The following ASMTL variants were observed in gnomAD, a reference collection of about 807,000 sequenced individuals.
The protein encoded by ASMTL is acetylserotonin O-methyltransferase like.
In ASMTL, 57 loss-of-function variants were observed where a neutral mutation model predicts 60.3. The ratio of observed to expected loss-of-function variants is 0.95; its 90% CI spans 0.76 to 1.18. The LOEUF is 1.18. ASMTL is among the 50% of genes most tolerant of loss of function. The probability of loss-of-function intolerance (pLI) is 0.00; values close to 1 mark genes in which losing one functional copy is unlikely to be tolerated. For synonymous variants in ASMTL, 419 were observed against 373.0 expected, an observed-to-expected ratio of 1.12 and a Z score of -1.42; for missense variants, 981 against 852.6, an observed-to-expected ratio of 1.15 and a Z score of -1.88.
intron 2 of ASMTL, among the ~76,000 whole-genome samples, chrX:1,439,832 T>A: frequency 8.1e-6 from 1 of 123,658 alleles, no homozygotes. Flanking sequence ...TGAGACTCAG[T>A]CTCCAAAAAA....
chrX:1,417,197 G>C (rs1408891772), intron 11 of ASMTL, among the ~76,000 whole-genome samples: 1 of 143,400 alleles, frequency 7.0e-6, no homozygotes, highest in Non-Finnish European at 1.5e-5. Flanking sequence ...AGATGCAGAC[G>C]TACACACAGA....
intron 11 of ASMTL, among the ~76,000 whole-genome samples, chrX:1,416,703 TTCTTAC>T (rs1366476525): frequency 2.8e-5 from 4 of 144,294 alleles, no homozygotes; most frequent in African/African-American, 5.2e-5. Flanking sequence ...CAGAGACACA[TTCTTAC>T]GCACGCACAC....
At chrX:1,432,874 G>C (rs1428923901) in intron 5 of ASMTL, among the ~76,000 whole-genome samples, 1 of 152,302 alleles carries the variant, frequency 6.6e-6, no homozygotes, top group Non-Finnish European at 1.5e-5. Context: ...GAGGCGGATG[G>C]ATCACCAGAG....
chrX:1,418,543 GACC>G (rs2090383230), intron 10 of ASMTL, among the ~76,000 whole-genome samples: 1 of 152,070 alleles, frequency 6.6e-6, no homozygotes, highest in South Asian at 2.1e-4. Flanking sequence ...AGCCACTCTG[GACC>G]ACAAGGAGGA....
intron 3 of ASMTL, among the ~76,000 whole-genome samples, chrX:1,436,312 T>C (rs2090962363): frequency 1.3e-5 from 2 of 152,098 alleles, no homozygotes; most frequent in African/African-American, 4.8e-5. Flanking sequence ...TTGCTGGGAA[T>C]ACAGGTGCAC....
At chrX:1,413,086 G>C (rs2090098684) in intron 11 of ASMTL, 3 of 567,722 alleles carry the variant, frequency 5.3e-6, no homozygotes, top group East Asian at 2.9e-5. Context: ...GAAAACGCTG[G>C]GGACAGTGGC....
intron 8 of ASMTL, among the ~76,000 whole-genome samples, chrX:1,423,477 GCT>G (rs1343711276): frequency 6.6e-6 from 1 of 152,012 alleles, no homozygotes; most frequent in Non-Finnish European, 1.5e-5. Context: ...TTGGTCATGT[GCT>G]CTCTATTCTA....
chrX:1,428,733 A>G (rs1203116242), intron 6 of ASMTL, among the ~76,000 whole-genome samples: 1 of 148,872 alleles, frequency 6.7e-6, no homozygotes. Context: ...AATCAAGCCA[A>G]TTATCCCATT....
Position 1,418,111 on chromosome X carries a change from T to C in ASMTL, c.1384A>G (p.Thr462Ala). The C allele has an allele frequency of 6.2e-7, 1 of 1,600,774 alleles. No individual in the cohort carries two copies. Residue 462 changes from threonine (T) to alanine (A), a missense_variant, in exon 11 of 13, where the codon ACG becomes GCG. Transcript: ENST00000381317. ...GCCAGCTCTCGGGCCAGTGCACCCG[T>C]GCAGCCTGCGGGGAAGCAAATGCAT... ...FSSACDVGGC[T>A]GALARELARE...
At chrX:1,433,481 C>A (rs558964947) in intron 5 of ASMTL, among the ~76,000 whole-genome samples, 9 of 130,662 alleles carry the variant, frequency 6.9e-5, no homozygotes, top group Admixed American at 1.8e-4. Context: ...CTGGCTACCA[C>A]GGTGAAACCC....
At position 1,452,749 on chromosome X, in the gene ASMTL, G is replaced by C. The variant is rs186060961; in HGVS notation, c.92C>G (p.Ala31Gly). The C allele has an allele frequency of 1.2e-3, 1,862 of 1,588,848 alleles. 20 individuals are homozygous for C. The Admixed American group carries it at 0.018, about 15-fold the overall frequency. The change falls in exon 1 of 13, where the codon GCG becomes GGG. Residue 31 changes from alanine (A) to glycine (G), a missense_variant and splice_region_variant. Physicochemically the swap from Ala to Gly is moderately conservative, Grantham distance 60 (BLOSUM62 0). Coordinates refer to ENST00000381317, the MANE Select transcript of ASMTL (RefSeq NM_004192.4). ...GCCCCGCCCAGGCCCAGGCCGTACC[G>C]CGTTGCTGAGGATCTCCTGACGGCG... is the stretch of plus-strand genomic sequence containing the variant. ...SPRRQEILSNAGLRFEVVPSK... is the reference protein window; with the variant it reads ...SPRRQEILSNGGLRFEVVPSK...
intron 7 of ASMTL, among the ~76,000 whole-genome samples, chrX:1,426,846 A>G (rs1327124400): frequency 6.6e-6 from 1 of 152,018 alleles, no homozygotes; most frequent in East Asian, 1.9e-4. Context: ...GGATCAGGCT[A>G]TGAACAGATC....
chrX:1,436,199 A>C (rs2090959111), intron 3 of ASMTL, among the ~76,000 whole-genome samples: 1 of 152,120 alleles, frequency 6.6e-6, no homozygotes, highest in South Asian at 2.1e-4. Flanking sequence ...CTTGAGATGG[A>C]GTCTCACTCT....
In ASMTL at chrX:1,421,697, GTGC is replaced by G. The variant is rs2090488312; in HGVS notation, c.1203_1205del (p.Gln401del). 1 of 1,613,814 alleles carries G rather than the reference GTGC, an allele frequency of 6.2e-7. No individual in the cohort carries two copies. The highest frequency in any genetic ancestry group is 8.5e-7 in the Non-Finnish European group (1 of 1,179,862). ...CCGCCTTCTTCCCCAACGCCCTGTGGTGCTGGTTTGTTCCCTCTCGGATGGCAA... is the reference window on the plus strand; with the variant it reads ...CCGCCTTCTTCCCCAACGCCCTGTGGTGGTTTGTTCCCTCTCGGATGGCAA... On this transcript the variant is annotated inframe_deletion, in exon 9 of 13. Transcript: ENST00000381317.
chrX:1,419,943 T>A (rs2090428651), intron 9 of ASMTL, among the ~76,000 whole-genome samples: 1 of 152,050 alleles, frequency 6.6e-6, no homozygotes, highest in African/African-American at 2.4e-5. Flanking sequence ...TCTCTGTCTG[T>A]CTGTCTCTGT....
At chrX:1,453,159 C>A (rs2091438347), upstream of ASMTL, among the ~76,000 whole-genome samples, 1 of 151,554 alleles carries the variant, frequency 6.6e-6, no homozygotes, top group Non-Finnish European at 1.5e-5. Flanking sequence ...ATTGCCCTCT[C>A]CGTCAGGCCA....
intron 11 of ASMTL, among the ~76,000 whole-genome samples, chrX:1,414,601 G>A (rs763074363): frequency 2.0e-5 from 3 of 152,160 alleles, no homozygotes; most frequent in Non-Finnish European, 4.4e-5. Context: ...CCAGCTACTC[G>A]GGAGGCTGAG....
At chrX:1,453,189 T>C (rs1228413900), upstream of ASMTL, among the ~76,000 whole-genome samples, 4 of 139,412 alleles carry the variant, frequency 2.9e-5, no homozygotes, top group African/African-American at 1.1e-4. Context: ...CACACCTCCA[T>C]TGCCCTCTCC....
At chrX:1,431,533 CA>C (rs751393058) in intron 6 of ASMTL, among the ~76,000 whole-genome samples, 1 of 140,034 alleles carries the variant, frequency 7.1e-6, no homozygotes, top group Admixed American at 7.5e-5. Context: ...AAATTTCAAT[CA>C]AAAGTGTTAA....
Sources: allele counts gnomAD v4.1 joint callset (sites outside exome capture counted in the v4.1 genomes callset), GRCh38; gene constraint gnomAD v4.1.1; transcripts MANE v1.5; gene names NCBI Gene and HGNC (gene_info 2026-07-23, HGNC 2026-07-21).